The following FANCC variants were observed in gnomAD, a reference collection of about 807,000 sequenced individuals.
The protein encoded by FANCC is Fanconi anemia group C protein.
Under a neutral mutation model 71.3 loss-of-function variants are expected in FANCC, and 55 were observed. That is an observed-to-expected ratio of 0.77 (90% CI 0.62 to 0.97). FANCC has a LOEUF of 0.97. Among genes scored for constraint, FANCC ranks in the 50% least tolerant of loss-of-function variants. FANCC has a pLI of 0.00. For missense variants in FANCC, 678 were observed against 670.9 expected (o/e 1.01, Z -0.12); for synonymous variants, 275 against 244.9 (o/e 1.12, Z -1.15).
chr9:95,178,515 C>T (rs1225185247), intron 4 of FANCC, among the ~76,000 whole-genome samples: 2 of 152,388 alleles, frequency 1.3e-5, no homozygotes, highest in South Asian at 2.1e-4. Context: ...TCTTCCTCCT[C>T]TGAGGGGAGC....
At chr9:95,299,993 C>G (rs1048175789) in intron 1 of FANCC, among the ~76,000 whole-genome samples, 1 of 152,174 alleles carries the variant, frequency 6.6e-6, no homozygotes, top group Non-Finnish European at 1.5e-5. Flanking sequence ...TTTTTACTAT[C>G]AGAACTCCCA....
At chr9:95,292,024 G>T (rs1172018951) in intron 1 of FANCC, among the ~76,000 whole-genome samples, 1 of 134,056 alleles carries the variant, frequency 7.5e-6, no homozygotes, top group African/African-American at 2.8e-5. Flanking sequence ...GCAATCTTGC[G>T]TCAAAAAAAC....
rs1232657325 is a variant in FANCC at position 95,101,636 on chromosome 9, G to A, written c.*71C>T. The A allele has an allele frequency of 5.0e-6, 8 of 1,596,550 alleles. No individual in the cohort carries two copies. In the Admixed American group the frequency reaches 5.0e-5, roughly 10 times the overall value. ...TTACTCCACAAATGCGTGGCCACAG[G>A]TCATCACCTGTCCTGTGGCCCTGGC... On this transcript the variant is annotated 3_prime_UTR_variant, in exon 15 of 15. Transcript: ENST00000289081.
At chr9:95,293,249 A>T in intron 1 of FANCC, 2 of 1,612,976 alleles carry the variant, frequency 1.2e-6, no homozygotes, top group Non-Finnish European at 8.5e-7. Context: ...GGCTTTGCTT[A>T]AACTACCCGT....
chr9:95,309,781 GT>G (rs1359252468), intron 1 of FANCC, among the ~76,000 whole-genome samples: 1 of 152,182 alleles, frequency 6.6e-6, no homozygotes, highest in African/African-American at 2.4e-5. Flanking sequence ...ACACATGTTT[GT>G]GGGGTGGGGG....
chr9:95,135,880 T>C (rs1324650062), intron 7 of FANCC, among the ~76,000 whole-genome samples: 2 of 152,094 alleles, frequency 1.3e-5, no homozygotes, highest in African/African-American at 2.4e-5. Context: ...TGCCTCACAA[T>C]AGGGATGCGG....
At chr9:95,294,630 A>C in intron 1 of FANCC, 1 of 1,580,774 alleles carries the variant, frequency 6.3e-7, no homozygotes, top group Non-Finnish European at 8.7e-7. Flanking sequence ...ACAGTATAGA[A>C]ACACAGACCA....
At chr9:95,252,139 C>T (rs546115248) in intron 1 of FANCC, among the ~76,000 whole-genome samples, 12 of 151,676 alleles carry the variant, frequency 7.9e-5, no homozygotes, top group Admixed American at 7.2e-4. Flanking sequence ...ATTAGCTGGG[C>T]GTAGTGGCAG....
chr9:95,230,673 C>T (rs894039783), intron 4 of FANCC, among the ~76,000 whole-genome samples: 3 of 152,004 alleles, frequency 2.0e-5, no homozygotes, highest in Admixed American at 6.6e-5. Context: ...AAAGGTAGTG[C>T]GGACCCAAAG....
At chr9:95,166,696 A>G (rs1029645131) in intron 6 of FANCC, among the ~76,000 whole-genome samples, 4 of 152,106 alleles carry the variant, frequency 2.6e-5, no homozygotes, top group African/African-American at 9.7e-5. Context: ...AAAATATAGT[A>G]TTTGCAGGAT....
intron 3 of FANCC, 82 bp from the exon 4 acceptor site, chr9:95,240,825 A>G (rs1830589371): frequency 1.2e-6 from 1 of 827,008 alleles, no homozygotes; most frequent in African/African-American, 1.7e-5. Context: ...ATATTTAGGA[A>G]AATCTCAAAC....
intron 13 of FANCC, chr9:95,110,293 TG>T: frequency 9.9e-7 from 1 of 1,013,448 alleles, no homozygotes; most frequent in East Asian, 6.8e-5. Flanking sequence ...ACCTTTTGAC[TG>T]TGATGGAATT....
intron 10 of FANCC, among the ~76,000 whole-genome samples, chr9:95,119,349 CTTCT>C (rs1439077211): frequency 5.6e-5 from 8 of 142,176 alleles, no homozygotes; most frequent in Non-Finnish European, 9.0e-5. Context: ...TTTTCAGTTC[CTTCT>C]TTCTTCCTTT....
chr9:95,110,210 T>C, intron 13 of FANCC: 1 of 986,070 alleles, frequency 1.0e-6, no homozygotes, highest in Non-Finnish European at 1.2e-6. Context: ...TGTGCCAATG[T>C]AGAACTTTCT....
At chr9:95,115,000 G>A (rs1399947703) in intron 11 of FANCC, among the ~76,000 whole-genome samples, 2 of 152,178 alleles carry the variant, frequency 1.3e-5, no homozygotes, top group Non-Finnish European at 2.9e-5. Context: ...GAGTGCAGTG[G>A]TACGATCCTG....
chr9:95,124,213 C>T (rs1011540949), intron 10 of FANCC, among the ~76,000 whole-genome samples: 17 of 151,700 alleles, frequency 1.1e-4, no homozygotes, highest in Admixed American at 1.1e-3. Flanking sequence ...TGTAGTTCTC[C>T]TCTCGGAAGT....
At chr9:95,183,177 A>C (rs999959951) in intron 4 of FANCC, among the ~76,000 whole-genome samples, 2 of 152,000 alleles carry the variant, frequency 1.3e-5, no homozygotes, top group Non-Finnish European at 2.9e-5. Flanking sequence ...CCCATCTTTC[A>C]AAATTCACCT....
At position 95,101,814 on chromosome 9, in the gene FANCC, C is replaced by T. The variant is rs755289392; in HGVS notation, c.1570G>A (p.Gly524Ser). 8 of 1,614,026 alleles carry T rather than the reference C, an allele frequency of 5.0e-6. No homozygotes were observed. In the South Asian group the frequency reaches 8.8e-5, roughly 18 times the overall value. ...HTAEITHEII[G>S]FLDQTLYRWN... ...CTGTACAAGGTCTGGTCAAGAAAGCCAATGATCTCGTGAGTTATCTCAGCA... is the reference window on the plus strand; with the variant it reads ...CTGTACAAGGTCTGGTCAAGAAAGCTAATGATCTCGTGAGTTATCTCAGCA... The change falls in exon 15 of 15, where the codon GGC becomes AGC. Residue 524 changes from glycine to serine, a missense_variant. Gly to Ser is a moderately conservative substitution (Grantham distance 56). Coordinates refer to ENST00000289081, the MANE Select transcript of FANCC (RefSeq NM_000136.3).
intron 8 of FANCC, among the ~76,000 whole-genome samples, chr9:95,134,716 C>T (rs1382083197): frequency 2.0e-5 from 3 of 152,192 alleles, no homozygotes; most frequent in Middle Eastern, 3.2e-3. Flanking sequence ...ATATGACTGG[C>T]GAGTCAGTGG....
Sources: gnomAD v4.1 joint callset for allele counts (sites outside exome capture counted in the v4.1 genomes callset) on GRCh38, gnomAD v4.1.1 for gene constraint, MANE v1.5 for transcripts, NCBI Gene and HGNC (gene_info 2026-07-23, HGNC 2026-07-21) for gene names.